CYP2C18: variants seen among roughly 807,000 people sequenced by gnomAD.
CYP2C18 encodes cytochrome P450 family 2 subfamily C member 18.
In CYP2C18, 38 loss-of-function variants were observed where a neutral mutation model predicts 41.3. That is an observed-to-expected ratio of 0.92 (90% CI 0.71 to 1.21). The LOEUF (loss-of-function observed/expected upper bound fraction) is 1.21. Ranked by LOEUF, CYP2C18 falls within the 50% of genes most tolerant of loss-of-function variation. CYP2C18 has a pLI of 0.00. For synonymous variants in CYP2C18, 236 were observed against 210.0 expected, an observed-to-expected ratio of 1.12 and a Z score of -1.07; for missense variants, 635 against 591.4, an observed-to-expected ratio of 1.07 and a Z score of -0.77.
At chr10:94,692,007 TG>T (rs1692784686) in intron 3 of CYP2C18, among the ~76,000 whole-genome samples, 2 of 152,134 alleles carry the variant, frequency 1.3e-5, no homozygotes, top group Non-Finnish European at 2.9e-5. Context: ...TCCTTACACT[TG>T]ATACAAAAAT....
At chr10:94,727,550 C>T (rs35835168) in intron 7 of CYP2C18, among the ~76,000 whole-genome samples, 23 of 151,340 alleles carry the variant, frequency 1.5e-4, no homozygotes, top group South Asian at 8.3e-4. Flanking sequence ...AAGAGGTTGA[C>T]GCTGCTGTGA....
chr10:94,725,052 TGTA>T (rs1847715590), intron 7 of CYP2C18, among the ~76,000 whole-genome samples: 1 of 148,708 alleles, frequency 6.7e-6, no homozygotes, highest in Non-Finnish European at 1.5e-5. Context: ...TCTATGTAAT[TGTA>T]AGTTGTGTAT....
At chr10:94,703,734 G>A (rs1027385428) in intron 4 of CYP2C18, among the ~76,000 whole-genome samples, 2 of 152,136 alleles carry the variant, frequency 1.3e-5, no homozygotes, top group African/African-American at 4.8e-5. Context: ...CCCTTTCCAG[G>A]GGAGTGAATG....
At chr10:94,716,334 C>A (rs1450731593) in intron 5 of CYP2C18, among the ~76,000 whole-genome samples, 1 of 152,148 alleles carries the variant, frequency 6.6e-6, no homozygotes, top group East Asian at 1.9e-4. Flanking sequence ...CTATACATTT[C>A]CCTCTACACA....
Position 94,720,554 on chromosome 10 carries a change from G to A in CYP2C18, c.961+17G>A, listed in dbSNP as rs538342476. On this transcript the variant is annotated intron_variant, in intron 6 of 8. Coordinates refer to ENST00000285979, the MANE Select transcript of CYP2C18 (RefSeq NM_000772.3). Reference sequence around the variant, plus strand: ...AGGTCACAGGTATGATGATACCATAGGTGAGCAGGGTGATTTTCAGAAAAG... The same window carrying A: ...AGGTCACAGGTATGATGATACCATAAGTGAGCAGGGTGATTTTCAGAAAAG... 5.7e-5 allele frequency: 91 copies of A among 1,603,892 alleles called. No homozygotes were observed. Among genetic ancestry groups the A allele is most frequent in the Non-Finnish European group, 6.8e-5 (80 of 1,175,944 alleles).
intron 4 of CYP2C18, 69 bp downstream of exon 4, chr10:94,695,146 A>G: frequency 2.2e-6 from 3 of 1,366,398 alleles, no homozygotes; most frequent in Non-Finnish European, 2.0e-6. Context: ...AATTTTTTTA[A>G]TTTTTTAAAA....
At position 94,688,460 on chromosome 10, in the gene CYP2C18, A is replaced by G. The variant is rs926767392; in HGVS notation, c.481+186A>G. 2.0e-5 allele frequency among the ~76,000 whole-genome samples: 3 copies of G among 152,196 alleles called. No homozygotes were observed. In the East Asian group the frequency reaches 5.8e-4, roughly 29 times the overall value. ...CACTTTGAGCATTTATCATTTCTAT[A>G]TTTTGAGAACAGACCTGTGTTCTAG... On this transcript the variant is annotated intron_variant, in intron 3 of 8. Coordinates refer to ENST00000285979, the MANE Select transcript of CYP2C18 (RefSeq NM_000772.3).
At chr10:94,703,700 C>A (rs1317686965) in intron 4 of CYP2C18, among the ~76,000 whole-genome samples, 6 of 152,164 alleles carry the variant, frequency 3.9e-5, no homozygotes, top group Admixed American at 3.3e-4. Flanking sequence ...GTGAGCTAGA[C>A]CACTTGGCTC....
chr10:94,696,941 G>A (rs59750131), intron 4 of CYP2C18, among the ~76,000 whole-genome samples: 3,838 of 152,112 alleles, frequency 0.025, 144 homozygotes, highest in African/African-American at 0.075. Context: ...AAAAGAATAA[G>A]AAGAAATGAA....
Position 94,735,256 on chromosome 10 carries a change from T to C in CYP2C18, c.1292-7T>C, listed in dbSNP as rs752366016. 3 of 1,613,290 alleles carry C rather than the reference T, an allele frequency of 1.9e-6. No individual in the cohort carries two copies. Among genetic ancestry groups the C allele is most frequent in the South Asian group, 1.1e-5 (1 of 91,054 alleles). ...AGGAACAAATCCCCTATGTCTCTTATTTTCAGGAAAACGGATGTGTATGGG... is the reference window on the plus strand; with the variant it reads ...AGGAACAAATCCCCTATGTCTCTTACTTTCAGGAAAACGGATGTGTATGGG... On this transcript the variant is annotated splice_region_variant and splice_polypyrimidine_tract_variant and intron_variant, in intron 8 of 8. Coordinates refer to ENST00000285979, the MANE Select transcript of CYP2C18 (RefSeq NM_000772.3).
intron 4 of CYP2C18, among the ~76,000 whole-genome samples, chr10:94,699,814 G>A (rs1847199161): frequency 1.3e-5 from 2 of 152,126 alleles, no homozygotes; most frequent in Non-Finnish European, 2.9e-5. Context: ...AAATTCACAA[G>A]CATTCTTATA....
At chr10:94,709,781 G>A (rs532965074) in intron 5 of CYP2C18, among the ~76,000 whole-genome samples, 1 of 152,102 alleles carries the variant, frequency 6.6e-6, no homozygotes, top group Non-Finnish European at 1.5e-5. Flanking sequence ...TTTGATTATA[G>A]TGTGAGGTAT....
At chr10:94,687,502 C>T (rs1018203433) in intron 1 of CYP2C18, among the ~76,000 whole-genome samples, 4 of 152,168 alleles carry the variant, frequency 2.6e-5, no homozygotes, top group African/African-American at 9.7e-5. Flanking sequence ...TACAATCTGT[C>T]TTATCTGTAA....
At chr10:94,712,361 G>T (rs1847454263) in intron 5 of CYP2C18, among the ~76,000 whole-genome samples, 1 of 148,540 alleles carries the variant, frequency 6.7e-6, no homozygotes, top group Admixed American at 6.8e-5. Context: ...CCGCCCCCAA[G>T]CCCTCTGGCA....
At chr10:94,726,970 T>C (rs887062783) in intron 7 of CYP2C18, among the ~76,000 whole-genome samples, 1 of 152,162 alleles carries the variant, frequency 6.6e-6, no homozygotes, top group African/African-American at 2.4e-5. Context: ...AATGTCTGTA[T>C]TGTGCCATAT....
rs1847252390 is a variant in CYP2C18, at chr10:94,701,868, C to A, written c.643-4916C>A. On this transcript the variant is annotated intron_variant, in intron 4 of 8. Coordinates refer to ENST00000285979, the MANE Select transcript of CYP2C18 (RefSeq NM_000772.3). ...GTTAGGAGAAGTCTGAAGCCTATAG[C>A]TTAGAGAGTGTCTTCCTCATGAAAA... Among the ~76,000 whole-genome samples the A allele has an allele frequency of 3.9e-5, 6 of 152,216 alleles. 1 individual carries two copies. Among genetic ancestry groups the A allele is most frequent in the Admixed American group, 3.9e-4 (6 of 15,296 alleles).
At chr10:94,726,979 A>C (rs956293428) in intron 7 of CYP2C18, among the ~76,000 whole-genome samples, 1 of 152,142 alleles carries the variant, frequency 6.6e-6, no homozygotes, top group Non-Finnish European at 1.5e-5. Context: ...ATTGTGCCAT[A>C]TGGAATCCAC....
intron 4 of CYP2C18, among the ~76,000 whole-genome samples, chr10:94,696,527 G>T (rs1847119655): frequency 6.6e-6 from 1 of 152,004 alleles, no homozygotes; most frequent in South Asian, 2.1e-4. Context: ...ACAAAGATGG[G>T]GAAAAAACAG....
chr10:94,683,849 T>A lies in CYP2C18; in HGVS notation c.30T>A (p.Cys10Ter). 6.2e-7 allele frequency: 1 copy of A among 1,608,876 alleles called. No homozygotes were observed. Among genetic ancestry groups the A allele is most frequent in the Non-Finnish European group, 8.5e-7 (1 of 1,177,708 alleles). The change falls in exon 1 of 9, where the codon TGT becomes TGA. Residue 10 changes from cysteine to a stop codon, truncating the protein, a stop_gained. Transcript: ENST00000285979. LOFTEE classifies it high-confidence loss of function. MDPAVALVL[C>*]LSCLFLLSLW... ...ATCCAGCTGTGGCTCTGGTGCTCTG[T>A]CTCTCCTGTTTGTTTCTCCTTTCAC...
Sources: allele counts gnomAD v4.1 joint callset (sites outside exome capture counted in the v4.1 genomes callset), GRCh38; gene constraint gnomAD v4.1.1; transcripts MANE v1.5; gene names NCBI Gene and HGNC (gene_info 2026-07-23, HGNC 2026-07-21).